Variants in NKAIN3 observed in about 807,000 individuals in gnomAD.
NKAIN3 encodes sodium/potassium-transporting ATPase subunit beta-1-interacting protein 3.
NKAIN3 carries 25 observed loss-of-function variants against 30.2 expected under a neutral mutation model. That is an observed-to-expected ratio of 0.83 (90% CI 0.60 to 1.16). The LOEUF (loss-of-function observed/expected upper bound fraction) is 1.16. NKAIN3 is among the 50% of genes most tolerant of loss of function. The pLI is 0.00. For synonymous variants in NKAIN3, 91 were observed against 89.6 expected, an observed-to-expected ratio of 1.02 and a Z score of -0.09; for missense variants, 225 against 254.1, an observed-to-expected ratio of 0.89 and a Z score of 0.78.
chr8:62,513,831 C>A (rs1011040183), intron 1 of NKAIN3, among the ~76,000 whole-genome samples: 7 of 143,610 alleles, frequency 4.9e-5, no homozygotes, highest in Non-Finnish European at 7.5e-5. Flanking sequence ...TGCACTCCAG[C>A]CTGGGCAACA....
intron 3 of NKAIN3, among the ~76,000 whole-genome samples, chr8:62,716,512 A>T (rs182255491): frequency 1.3e-5 from 2 of 152,216 alleles, no homozygotes; most frequent in Non-Finnish European, 2.9e-5. Context: ...TCTTAGTTAT[A>T]AAAGTGAGCA....
intron 4 of NKAIN3, among the ~76,000 whole-genome samples, chr8:62,845,152 T>C (rs886611895): frequency 6.6e-6 from 1 of 151,610 alleles, no homozygotes; most frequent in African/African-American, 2.4e-5. Context: ...AGGGTTAATA[T>C]AAAGGCAGAT....
chr8:62,634,087 A>G (rs1240183737), intron 3 of NKAIN3, among the ~76,000 whole-genome samples: 1 of 152,144 alleles, frequency 6.6e-6, no homozygotes, highest in Non-Finnish European at 1.5e-5. Flanking sequence ...CATAGAACAT[A>G]TATTTATGGT....
At chr8:62,409,064 G>T (rs1804160671) in intron 1 of NKAIN3, among the ~76,000 whole-genome samples, 1 of 152,168 alleles carries the variant, frequency 6.6e-6, no homozygotes, top group Non-Finnish European at 1.5e-5. Flanking sequence ...TCACTGGTGA[G>T]ATTGACATTT....
chr8:62,592,510 T>C (rs1810684233), intron 3 of NKAIN3, among the ~76,000 whole-genome samples: 1 of 151,820 alleles, frequency 6.6e-6, no homozygotes, highest in Non-Finnish European at 1.5e-5. Context: ...ACTAATTAAC[T>C]AACTAAATAA....
intron 4 of NKAIN3, among the ~76,000 whole-genome samples, chr8:62,828,709 C>A (rs1819103384): frequency 6.6e-6 from 1 of 152,068 alleles, no homozygotes; most frequent in Non-Finnish European, 1.5e-5. Flanking sequence ...ATTTGGGGAG[C>A]CAGATCTTAA....
intron 3 of NKAIN3, among the ~76,000 whole-genome samples, chr8:62,712,763 A>G (rs1333138073): frequency 6.6e-6 from 1 of 152,080 alleles, no homozygotes; most frequent in East Asian, 1.9e-4. Context: ...CCCCATTCAA[A>G]TTATTACAAA....
At chr8:62,252,423 G>T (rs934799452) in intron 1 of NKAIN3, among the ~76,000 whole-genome samples, 1 of 152,086 alleles carries the variant, frequency 6.6e-6, no homozygotes, top group Non-Finnish European at 1.5e-5. Flanking sequence ...ACTCAAATTG[G>T]GAAATTTACT....
intron 1 of NKAIN3, chr8:62,483,551 C>A (rs979200207): frequency 1.2e-5 from 2 of 172,714 alleles, no homozygotes; most frequent in African/African-American, 4.8e-5. Context: ...AATTTCCAAG[C>A]AGACGGACCT....
chr8:62,991,639 G>T (rs762012124), intron 5 of NKAIN3, among the ~76,000 whole-genome samples: 12 of 152,118 alleles, frequency 7.9e-5, no homozygotes, highest in Non-Finnish European at 1.3e-4. Flanking sequence ...TTTTCAGAGT[G>T]TTTTTCTGAA....
At chr8:62,857,564 ATTCTT>A (rs556279258) in intron 4 of NKAIN3, among the ~76,000 whole-genome samples, 44 of 152,160 alleles carry the variant, frequency 2.9e-4, no homozygotes, top group African/African-American at 9.4e-4. Flanking sequence ...TTTTTTATCT[ATTCTT>A]TTCTGCCAGT....
intron 3 of NKAIN3, among the ~76,000 whole-genome samples, chr8:62,685,403 G>A (rs1259167369): frequency 1.3e-5 from 2 of 152,140 alleles, no homozygotes; most frequent in African/African-American, 2.4e-5. Flanking sequence ...TTTACTATCT[G>A]TGTATTCCTC....
intron 3 of NKAIN3, among the ~76,000 whole-genome samples, chr8:62,734,433 T>A (rs1348556383): frequency 6.6e-6 from 1 of 152,220 alleles, no homozygotes; most frequent in Non-Finnish European, 1.5e-5. Flanking sequence ...TATGGGAAAT[T>A]ATTAGAACTA....
At chr8:62,581,093 AC>A (rs1427321600) in intron 2 of NKAIN3, among the ~76,000 whole-genome samples, 1 of 148,198 alleles carries the variant, frequency 6.7e-6, no homozygotes, top group Non-Finnish European at 1.5e-5. Flanking sequence ...ACAGAGAGAA[AC>A]CTTGTCTCAA....
At chr8:62,370,427 G>A (rs1816871490) in intron 1 of NKAIN3, among the ~76,000 whole-genome samples, 1 of 151,592 alleles carries the variant, frequency 6.6e-6, no homozygotes, top group Non-Finnish European at 1.5e-5. Flanking sequence ...GAAAATGGGG[G>A]GGAACAAAAG....
chr8:62,965,540 A>G lies in NKAIN3; in HGVS notation c.*133A>G. On this transcript the variant is annotated 3_prime_UTR_variant, in exon 7 of 7. Transcript: ENST00000623646. ...TGGTCACAGCCTTTGTATTATTAGC[A>G]TTGTTCTCTAGATGAGTTCTAGGTG... 1.0e-6 allele frequency: 1 copy of G among 980,984 alleles called. No homozygotes were observed. The highest frequency in any genetic ancestry group is 1.2e-6 in the Non-Finnish European group (1 of 829,264). The allele number at this position is 980,984 out of a possible 1,614,324, so 60.8% of individuals were successfully genotyped here. A position where few individuals can be genotyped will look rare whatever the true frequency, so the allele number is the denominator to read the frequency against.
At chr8:62,604,680 A>T (rs762193713) in intron 3 of NKAIN3, among the ~76,000 whole-genome samples, 7 of 152,182 alleles carry the variant, frequency 4.6e-5, no homozygotes, top group Non-Finnish European at 8.8e-5. Flanking sequence ...ATTTAAAAGC[A>T]TACATTTCTA....
Position 62,579,596 on chromosome 8 carries a change from C to A in NKAIN3, c.112C>A (p.Leu38Ile). 1.2e-6 allele frequency: 2 copies of A among 1,610,966 alleles called. No individual in the cohort carries two copies. The highest frequency in any genetic ancestry group is 1.7e-4 in the Middle Eastern group (1 of 6,050). ...DFLGFQWAPILGNFLHIIVVI... is the reference protein window; with the variant it reads ...DFLGFQWAPIIGNFLHIIVVI... ...CCTTGGTTTCCAGTGGGCGCCTATT[C>A]TTGGAAATTTTCTACACATAATAGT... is the stretch of plus-strand genomic sequence containing the variant. Residue 38 changes from leucine (L) to isoleucine (I), a missense_variant, in exon 2 of 7, where the codon CTT (leucine) becomes ATT (isoleucine). Transcript: ENST00000623646.
chr8:62,884,069 G>T (rs1222596393), intron 4 of NKAIN3, among the ~76,000 whole-genome samples: 3 of 152,134 alleles, frequency 2.0e-5, no homozygotes, highest in Non-Finnish European at 4.4e-5. Flanking sequence ...ACTTAGTCAT[G>T]ATGCAGAACT....
Sources: gnomAD v4.1 joint callset for allele counts (sites outside exome capture counted in the v4.1 genomes callset) on GRCh38, gnomAD v4.1.1 for gene constraint, MANE v1.5 for transcripts, NCBI Gene and HGNC (gene_info 2026-07-23, HGNC 2026-07-21) for gene names.